Variants in OR5H1 observed in about 807,000 individuals in gnomAD.
OR5H1 encodes the protein olfactory receptor family 5 subfamily H member 1, also known as olfactory receptor 5H1.
For synonymous variants in OR5H1, 124 were observed against 134.4 expected (o/e 0.92, Z 0.54); for missense variants, 378 against 366.8 (o/e 1.03, Z -0.25).
chr3:98,131,490 T>C (rs1386262646), intron 1 of OR5H1, among the ~76,000 whole-genome samples: 1 of 151,762 alleles, frequency 6.6e-6, no homozygotes, highest in Non-Finnish European at 1.5e-5. Context: ...AATGAGTTTC[T>C]AGTTCTTTTG....
At chr3:98,132,238 A>T (rs560564324) in intron 1 of OR5H1, among the ~76,000 whole-genome samples, 2 of 152,058 alleles carry the variant, frequency 1.3e-5, no homozygotes, top group East Asian at 3.9e-4. Context: ...AAACTAAATT[A>T]AAAAAAATTA....
chr3:98,136,175 C>T lies in OR5H1; in HGVS notation c.*2536C>T, dbSNP rs897814929. The T allele has an allele frequency of 6.6e-6, 1 of 152,104 alleles. No individual in the cohort carries two copies. Among genetic ancestry groups the T allele is most frequent in the African/African-American group, 2.4e-5 (1 of 41,412 alleles). 9.4% of individuals were successfully genotyped at this position (152,104 alleles called of 1,614,324 possible). A position where few individuals can be genotyped will look rare whatever the true frequency, so the allele number is the denominator to read the frequency against. ...CATGATTTTTCCCTCCATAATCAGG[C>T]CATTTCTTTCAAATGTAATTATAGT... On this transcript the variant is annotated 3_prime_UTR_variant, in exon 2 of 2. Coordinates refer to ENST00000641874, the MANE Select transcript of OR5H1 (RefSeq NM_001005338.2).
chr3:98,132,581 G>A, intron 1 of OR5H1, 99 bp from the exon 2 acceptor site: 5 of 1,332,948 alleles, frequency 3.8e-6, no homozygotes, highest in East Asian at 4.7e-5. Flanking sequence ...AATTGAGAGG[G>A]TTCTGATCAT....
In OR5H1 at chr3:98,136,225, A is replaced by G. The variant is rs1708316291; in HGVS notation, c.*2586A>G. 1 of 152,162 alleles carries G rather than the reference A, an allele frequency of 6.6e-6. No individual in the cohort carries two copies. Among genetic ancestry groups the G allele is most frequent in the Admixed American group, 6.6e-5 (1 of 15,258 alleles). 9.4% of individuals were successfully genotyped at this position (152,162 alleles called of 1,614,324 possible). Reference sequence around the variant, plus strand: ...TAAGACTAATTTATTTACCAACTAGATCTACCCTCATTAAGCTTCAAGTGA... The same window carrying G: ...TAAGACTAATTTATTTACCAACTAGGTCTACCCTCATTAAGCTTCAAGTGA... On this transcript the variant is annotated 3_prime_UTR_variant, in exon 2 of 2. Coordinates refer to ENST00000641874, the MANE Select transcript of OR5H1 (RefSeq NM_001005338.2).
chr3:98,132,285 C>T (rs4857327), intron 1 of OR5H1, among the ~76,000 whole-genome samples: 90,206 of 151,762 alleles, frequency 0.59, 27,452 homozygotes, highest in African/African-American at 0.73. Flanking sequence ...TTGGCACATG[C>T]TTATTGTATG....
intron 1 of OR5H1, among the ~76,000 whole-genome samples, chr3:98,131,094 T>C (rs1708251044): frequency 6.6e-6 from 1 of 152,102 alleles, no homozygotes; most frequent in Non-Finnish European, 1.5e-5. Context: ...GATGAGTTTA[T>C]ATAAATTAGG....
rs1708275886 is a variant in OR5H1, at chr3:98,133,058, G to A, written c.361G>A (p.Asp121Asn). The A allele has an allele frequency of 6.2e-7, 1 of 1,613,662 alleles. No individual in the cohort carries two copies. The highest frequency in any genetic ancestry group is 8.5e-7 in the Non-Finnish European group (1 of 1,179,698). Residue 121 changes from aspartate (D) to asparagine (N), a missense_variant, in exon 2 of 2, where the codon GAT becomes AAT. Physicochemically the swap from Asp to Asn is conservative, Grantham distance 23. Coordinates refer to ENST00000641874, the MANE Select transcript of OR5H1 (RefSeq NM_001005338.2). The part of the protein sequence containing the change: ...ECFLLATMAY[D>N]RYVAICKPLL... ...TTTTCTCTTGGCAACGATGGCATAT[G>A]ATCGCTATGTAGCCATATGCAAACC...
intron 1 of OR5H1, among the ~76,000 whole-genome samples, 151 bp downstream of exon 1, chr3:98,131,001 T>A (rs1708250172): frequency 6.6e-6 from 1 of 152,102 alleles, no homozygotes; most frequent in African/African-American, 2.4e-5. Flanking sequence ...TTTTATATTT[T>A]AGTTTTATGA....
chr3:98,132,956 G>A lies in OR5H1; in HGVS notation c.259G>A (p.Ala87Thr). Residue 87 changes from alanine (A) to threonine (T), a missense_variant, in exon 2 of 2, where the codon GCT becomes ACT. By Grantham distance (58) the Ala-to-Thr change is moderately conservative (BLOSUM62 0). Coordinates refer to ENST00000641874, the MANE Select transcript of OR5H1 (RefSeq NM_001005338.2). ...VTPKMLNNFL[A>T]KSKMISLSEC... ...CCCAAAGATGCTGAATAACTTCTTA[G>A]CTAAGAGTAAGATGATATCTCTCTC... The A allele has an allele frequency of 1.9e-6, 3 of 1,613,532 alleles. No homozygotes were observed. The highest frequency in any genetic ancestry group is 2.5e-6 in the Non-Finnish European group (3 of 1,179,636).
intron 1 of OR5H1, among the ~76,000 whole-genome samples, chr3:98,131,504 G>T (rs1708254741): frequency 6.6e-6 from 1 of 151,736 alleles, no homozygotes; most frequent in South Asian, 2.1e-4. Context: ...TCTTTTGGCA[G>T]TATGTTACCT....
Position 98,133,249 on chromosome 3 carries a change from G to T in OR5H1, c.552G>T (p.Leu184Phe). Residue 184 changes from leucine to phenylalanine, a missense_variant, in exon 2 of 2, where the codon TTG (leucine) becomes TTT (phenylalanine). Transcript: ENST00000641874. ...VHHIYCDTIP[L>F]SKISCTDSSI... ...ACATTTACTGTGACACTATCCCATTGTCTAAGATTTCTTGTACTGATTCTT... is the reference window on the plus strand; with the variant it reads ...ACATTTACTGTGACACTATCCCATTTTCTAAGATTTCTTGTACTGATTCTT... 1 of 1,612,046 alleles carries T rather than the reference G, an allele frequency of 6.2e-7. No homozygotes were observed. Among genetic ancestry groups the T allele is most frequent in the Non-Finnish European group, 8.5e-7 (1 of 1,178,700 alleles).
Sources: gnomAD v4.1 joint callset for allele counts (sites outside exome capture counted in the v4.1 genomes callset) on GRCh38, gnomAD v4.1.1 for gene constraint, MANE v1.5 for transcripts, NCBI Gene and HGNC (gene_info 2026-07-23, HGNC 2026-07-21) for gene names.